The following SLC30A7 variants were observed in gnomAD, a reference collection of about 807,000 sequenced individuals.
The protein encoded by SLC30A7 is solute carrier family 30 member 7.
In SLC30A7, 35 loss-of-function variants were observed where a neutral mutation model predicts 46.0. That is an observed-to-expected ratio of 0.76 (90% CI 0.58 to 1.01). The LOEUF (loss-of-function observed/expected upper bound fraction) is 1.01. Among genes scored for constraint, SLC30A7 ranks in the 50% least tolerant of loss-of-function variants. The pLI is 0.00. For synonymous variants in SLC30A7, 147 were observed against 157.8 expected (o/e 0.93, Z 0.51); for missense variants, 464 against 451.1 (o/e 1.03, Z -0.26).
intron 8 of SLC30A7, among the ~76,000 whole-genome samples, chr1:100,945,178 G>A (rs1459887925): frequency 6.6e-6 from 1 of 152,108 alleles, no homozygotes; most frequent in Admixed American, 6.5e-5. Flanking sequence ...TGTAGATTCT[G>A]GATATTAGCC....
At chr1:100,958,907 A>C (rs926186308) in intron 8 of SLC30A7, among the ~76,000 whole-genome samples, 2 of 152,208 alleles carry the variant, frequency 1.3e-5, no homozygotes, top group African/African-American at 4.8e-5. Context: ...ATAGGAACAC[A>C]GAGAAGACAC....
At chr1:100,935,367 A>C (rs1215538559) in intron 8 of SLC30A7, among the ~76,000 whole-genome samples, 1 of 152,222 alleles carries the variant, frequency 6.6e-6, no homozygotes, top group Non-Finnish European at 1.5e-5. Flanking sequence ...TATGCAAGTC[A>C]GTTTAAACTT....
chr1:100,938,821 A>G (rs910399051), intron 8 of SLC30A7, among the ~76,000 whole-genome samples: 29 of 152,224 alleles, frequency 1.9e-4, no homozygotes, highest in Non-Finnish European at 3.8e-4. Context: ...AATCAGGCTT[A>G]CCTGGAATAA....
chr1:100,905,080 A>G (rs1411624994), intron 2 of SLC30A7, among the ~76,000 whole-genome samples: 3 of 152,114 alleles, frequency 2.0e-5, no homozygotes, highest in Non-Finnish European at 4.4e-5. Context: ...TAATCTTTAA[A>G]TTATCACAAA....
chr1:100,974,968 G>A lies in SLC30A7; in HGVS notation c.*111G>A. Reference sequence around the variant, plus strand: ...GAGAGAAATTATCACTACAACTCCCGAGCACTAAGTAGACGGGGTAGAGTC... The same window carrying A: ...GAGAGAAATTATCACTACAACTCCCAAGCACTAAGTAGACGGGGTAGAGTC... On this transcript the variant is annotated 3_prime_UTR_variant, in exon 11 of 11. Coordinates refer to ENST00000357650, the MANE Select transcript of SLC30A7 (RefSeq NM_133496.5). 2.4e-6 allele frequency: 2 copies of A among 818,370 alleles called. No individual in the cohort carries two copies. The highest frequency in any genetic ancestry group is 2.7e-5 in the East Asian group (1 of 36,794). 50.7% of individuals were successfully genotyped at this position (818,370 alleles called of 1,614,324 possible).
intron 8 of SLC30A7, among the ~76,000 whole-genome samples, chr1:100,943,825 G>A (rs79037703): frequency 0.023 from 3,452 of 152,174 alleles, 121 homozygotes; most frequent in African/African-American, 0.075. Context: ...ATATTATTAA[G>A]AAAACAAGAT....
chr1:100,899,014 G>A (rs1351706194), intron 2 of SLC30A7, among the ~76,000 whole-genome samples: 1 of 152,104 alleles, frequency 6.6e-6, no homozygotes, highest in Non-Finnish European at 1.5e-5. Context: ...AATTGTTCTG[G>A]TTCTTTTTCA....
intron 8 of SLC30A7, among the ~76,000 whole-genome samples, chr1:100,947,360 T>C (rs1442086699): frequency 6.6e-6 from 1 of 152,196 alleles, no homozygotes; most frequent in African/African-American, 2.4e-5. Context: ...CATGTACTTG[T>C]GTGGTTTTGA....
intron 6 of SLC30A7, among the ~76,000 whole-genome samples, 165 bp downstream of exon 6, chr1:100,913,971 A>G (rs1652303491): frequency 6.6e-6 from 1 of 152,230 alleles, no homozygotes; most frequent in Admixed American, 6.5e-5. Flanking sequence ...GTATAGCATG[A>G]AATTAACTCA....
Position 100,961,835 on chromosome 1 carries a change from C to A in SLC30A7, c.850C>A (p.Pro284Thr). ...IAILIVVSVI[P>T]LLRESVGILM... ...TGTCTTCCTTTTCCTTAGTGTTATT[C>A]CTCTTTTAAGAGAATCTGTTGGAAT... Residue 284 changes from proline (P) to threonine (T), a missense_variant, in exon 9 of 11, where the codon CCT becomes ACT. Transcript: ENST00000357650. The A allele has an allele frequency of 6.3e-7, 1 of 1,590,318 alleles. No homozygotes were observed. The highest frequency in any genetic ancestry group is 8.6e-7 in the Non-Finnish European group (1 of 1,163,168).
intron 8 of SLC30A7, among the ~76,000 whole-genome samples, chr1:100,957,456 T>A (rs1655288667): frequency 6.6e-6 from 1 of 152,206 alleles, no homozygotes; most frequent in African/African-American, 2.4e-5. Flanking sequence ...TCTTTATAGT[T>A]TAACCACTTT....
At chr1:100,950,625 G>A (rs1654901594) in intron 8 of SLC30A7, among the ~76,000 whole-genome samples, 1 of 152,084 alleles carries the variant, frequency 6.6e-6, no homozygotes, top group African/African-American at 2.4e-5. Context: ...CTGAGCTTTT[G>A]CATTTTTTTC....
intron 2 of SLC30A7, among the ~76,000 whole-genome samples, chr1:100,904,678 C>G (rs532041804): frequency 1.3e-5 from 2 of 152,246 alleles, no homozygotes; most frequent in East Asian, 3.9e-4. Flanking sequence ...GTTGGTTGGA[C>G]TTTGTGCTTT....
chr1:100,943,033 A>G (rs986838915), intron 8 of SLC30A7, among the ~76,000 whole-genome samples: 1 of 152,198 alleles, frequency 6.6e-6, no homozygotes, highest in African/African-American at 2.4e-5. Context: ...TGAAGTTCCA[A>G]CAGCTTAGAT....
intron 8 of SLC30A7, among the ~76,000 whole-genome samples, chr1:100,940,305 T>A (rs1654264745): frequency 6.6e-6 from 1 of 152,200 alleles, no homozygotes; most frequent in Non-Finnish European, 1.5e-5. Context: ...GAAACCATGC[T>A]AGTATTAAAA....
At chr1:100,902,211 C>T (rs1475723820) in intron 2 of SLC30A7, among the ~76,000 whole-genome samples, 1 of 152,204 alleles carries the variant, frequency 6.6e-6, no homozygotes, top group South Asian at 2.1e-4. Flanking sequence ...GTTCTTCCAT[C>T]TCAGAAGAGG....
At chr1:100,962,392 G>C (rs535434339) in intron 9 of SLC30A7, among the ~76,000 whole-genome samples, 1 of 152,348 alleles carries the variant, frequency 6.6e-6, no homozygotes, top group South Asian at 2.1e-4. Context: ...GTCATGGATG[G>C]CTACCTTAGA....
the SLC30A7 span, chr1:100,990,414 T>C: frequency 6.2e-6 from 10 of 1,613,092 alleles, no homozygotes; most frequent in Non-Finnish European, 8.5e-6. Flanking sequence ...ATGTTCAAAG[T>C]CCATTGATGC....
At chr1:100,993,102 T>G in the SLC30A7 span, among the ~76,000 whole-genome samples, 2 of 152,208 alleles carry the variant, frequency 1.3e-5, no homozygotes, top group Admixed American at 1.3e-4. Context: ...GTCCTTTTTA[T>G]GACCATTTTT....
Sources: gnomAD v4.1 joint callset for allele counts (sites outside exome capture counted in the v4.1 genomes callset) on GRCh38, gnomAD v4.1.1 for gene constraint, MANE v1.5 for transcripts, NCBI Gene and HGNC (gene_info 2026-07-23, HGNC 2026-07-21) for gene names.